MSH3: variants seen among roughly 807,000 people sequenced by gnomAD.
MSH3 encodes mutS homolog 3, also known as DNA mismatch repair protein Msh3.
MSH3 carries 106 observed loss-of-function variants against 123.3 expected under a neutral mutation model. That is an observed-to-expected ratio of 0.86 (90% confidence interval 0.73 to 1.01). The LOEUF (loss-of-function observed/expected upper bound fraction) is 1.01. Ranked by LOEUF, MSH3 falls within the 50% of genes least tolerant of loss-of-function variation. MSH3 has a pLI of 0.00. For synonymous variants in MSH3, 515 were observed against 481.4 expected (o/e 1.07, Z -0.91); for missense variants, 1,459 against 1,347.6 (o/e 1.08, Z -1.29).
intron 20 of MSH3, among the ~76,000 whole-genome samples, chr5:80,827,625 C>T (rs1394104538): frequency 6.6e-6 from 1 of 152,132 alleles, no homozygotes; most frequent in African/African-American, 2.4e-5. Flanking sequence ...ATTTTATTGG[C>T]ATTAAAAATG....
chr5:80,762,790 T>TTTATTTTATG (rs1554072034), intron 13 of MSH3, among the ~76,000 whole-genome samples: 201 of 132,974 alleles, frequency 1.5e-3, no homozygotes, highest in African/African-American at 4.6e-3. Context: ...TTTATTTTAT[T>TTTATTTTATG]TTATGTTATG....
rs56009235 is a variant in MSH3 at position 80,876,377 on chromosome 5, C to T, written c.*515C>T. 1.9e-3 allele frequency: 339 copies of T among 179,628 alleles called. 1 individual carries two copies. Among genetic ancestry groups the T allele is most frequent in the African/African-American group, 6.0e-3 (255 of 42,270 alleles). 11.1% of individuals were successfully genotyped at this position (179,628 alleles called of 1,614,324 possible). A position where few individuals can be genotyped will look rare whatever the true frequency, so the allele number is the denominator to read the frequency against. ...CAGCACTTTGGGAGGCCAAGGTAGG[C>T]AGATCACCTGAGGTCAGGAGTTCAA... is the stretch of plus-strand genomic sequence containing the variant. On this transcript the variant is annotated 3_prime_UTR_variant, in exon 24 of 24. Coordinates refer to ENST00000265081, the MANE Select transcript of MSH3 (RefSeq NM_002439.5).
chr5:80,744,452 A>G (rs987063733), intron 11 of MSH3, 54 bp from the exon 12 acceptor site: 27 of 1,295,390 alleles, frequency 2.1e-5, no homozygotes, highest in Middle Eastern at 2.1e-4. Flanking sequence ...TGAAATAACA[A>G]TTTGGCACAA....
At chr5:80,784,045 A>G (rs1212146213) in intron 17 of MSH3, among the ~76,000 whole-genome samples, 2 of 151,770 alleles carry the variant, frequency 1.3e-5, no homozygotes, top group Non-Finnish European at 2.9e-5. Flanking sequence ...CCCCGTCTCT[A>G]CTAAAAGTAC....
intron 20 of MSH3, among the ~76,000 whole-genome samples, chr5:80,830,531 G>T (rs1745398832): frequency 6.6e-6 from 1 of 152,182 alleles, no homozygotes; most frequent in Admixed American, 6.5e-5. Context: ...TTTTATCCAT[G>T]ATGACAGATT....
At chr5:80,682,429 A>G (rs1749994376) in intron 8 of MSH3, among the ~76,000 whole-genome samples, 1 of 151,878 alleles carries the variant, frequency 6.6e-6, no homozygotes, top group Non-Finnish European at 1.5e-5. Context: ...TTTTAATTAA[A>G]TTTTCTGTGG....
intron 12 of MSH3, among the ~76,000 whole-genome samples, chr5:80,752,539 T>C (rs1274701632): frequency 2.6e-5 from 4 of 152,170 alleles, no homozygotes; most frequent in African/African-American, 9.7e-5. Context: ...GCTTGAGTTC[T>C]GATTCCCTTT....
intron 20 of MSH3, among the ~76,000 whole-genome samples, chr5:80,833,324 A>G (rs987729776): frequency 2.0e-5 from 3 of 152,240 alleles, no homozygotes; most frequent in African/African-American, 7.2e-5. Flanking sequence ...AGACAGCTTG[A>G]TAATAATAAC....
At chr5:80,746,643 C>A in intron 12 of MSH3, 1 of 326,716 alleles carries the variant, frequency 3.1e-6, no homozygotes. Context: ...GTGGTGGGTA[C>A]ACCACCAAAT....
chr5:80,783,975 T>G (rs1035654186), intron 17 of MSH3, among the ~76,000 whole-genome samples: 3 of 151,920 alleles, frequency 2.0e-5, no homozygotes, highest in Non-Finnish European at 4.4e-5. Context: ...TTTCGGAGAC[T>G]GAGACAGGTG....
chr5:80,872,307 C>T (rs1433994577), intron 22 of MSH3, among the ~76,000 whole-genome samples: 1 of 147,688 alleles, frequency 6.8e-6, no homozygotes, highest in African/African-American at 2.5e-5. Context: ...CCCATCTCTA[C>T]AAAAAAAAAA....
Position 80,772,443 on chromosome 5 carries a change from C to T in MSH3, c.2254-3251C>T, listed in dbSNP as rs116156718. On this transcript the variant is annotated intron_variant, in intron 15 of 23. Coordinates refer to ENST00000265081, the MANE Select transcript of MSH3 (RefSeq NM_002439.5). The stretch of plus-strand genomic sequence containing the variant: ...GTAAGAGTTTCGGCAAGCCTAGCAA[C>T]GTTGCCAGCCCAGTGATACCACAGG... Among the ~76,000 whole-genome samples, 1,261 of 152,188 alleles carry T rather than the reference C, an allele frequency of 8.3e-3. 17 individuals are homozygous for T. The highest frequency in any genetic ancestry group is 0.028 in the African/African-American group (1,148 of 41,512).
chr5:80,866,644 T>C (rs1455540106), intron 22 of MSH3, among the ~76,000 whole-genome samples: 1 of 152,214 alleles, frequency 6.6e-6, no homozygotes, highest in Non-Finnish European at 1.5e-5. Context: ...ACATTATTGA[T>C]GGACCTCTCA....
chr5:80,656,285 G>C, intron 1 of MSH3, 126 bp from the exon 2 acceptor site: 1 of 1,266,022 alleles, frequency 7.9e-7, no homozygotes, highest in Non-Finnish European at 1.1e-6. Context: ...GCTAAAAGTA[G>C]AGGATTCTTT....
intron 20 of MSH3, among the ~76,000 whole-genome samples, chr5:80,819,645 C>G (rs1329860347): frequency 6.6e-6 from 1 of 151,808 alleles, no homozygotes; most frequent in Admixed American, 6.6e-5. Flanking sequence ...CACCACCACA[C>G]CCAGCTAATT....
At chr5:80,742,096 G>A (rs1357416746) in intron 11 of MSH3, among the ~76,000 whole-genome samples, 1 of 151,326 alleles carries the variant, frequency 6.6e-6, no homozygotes, top group Non-Finnish European at 1.5e-5. Flanking sequence ...TGCAACCTCT[G>A]CCTCCCAGGT....
At chr5:80,790,606 G>A (rs993957636) in intron 18 of MSH3, among the ~76,000 whole-genome samples, 1 of 152,158 alleles carries the variant, frequency 6.6e-6, no homozygotes, top group Non-Finnish European at 1.5e-5. Context: ...ATGCAGAAGT[G>A]AGGGGAGAAA....
chr5:80,801,693 C>G (rs1407157401), intron 19 of MSH3, among the ~76,000 whole-genome samples: 1 of 152,216 alleles, frequency 6.6e-6, no homozygotes, highest in Admixed American at 6.5e-5. Flanking sequence ...CCAAGCAAAT[C>G]TGGCACAGAG....
intron 16 of MSH3, among the ~76,000 whole-genome samples, chr5:80,777,467 A>G (rs1744326174): frequency 1.3e-5 from 2 of 152,236 alleles, no homozygotes; most frequent in South Asian, 4.1e-4. Context: ...ATCTACAACA[A>G]TAACTGAAAT....
Sources: allele counts gnomAD v4.1 joint callset (sites outside exome capture counted in the v4.1 genomes callset), GRCh38; gene constraint gnomAD v4.1.1; transcripts MANE v1.5; gene names NCBI Gene and HGNC (gene_info 2026-07-23, HGNC 2026-07-21).